Variants in TRMT9B observed in about 807,000 individuals in gnomAD.
TRMT9B encodes the protein probable tRNA methyltransferase 9B.
In TRMT9B, 16 loss-of-function variants were observed where a neutral mutation model predicts 11.5. The observed-to-expected ratio is 1.39, with a 90% CI of 0.94 to 2.11. TRMT9B has a LOEUF of 2.11. TRMT9B is among the 30% of genes most tolerant of loss of function. The pLI is 0.00. For synonymous variants in TRMT9B, 274 were observed against 192.4 expected, an observed-to-expected ratio of 1.42 and a Z score of -3.51; for missense variants, 941 against 553.8, an observed-to-expected ratio of 1.70 and a Z score of -7.02.
At chr8:13,017,226 A>T (rs1021260396) in intron 4 of TRMT9B, among the ~76,000 whole-genome samples, 1 of 150,730 alleles carries the variant, frequency 6.6e-6, no homozygotes, top group Admixed American at 6.6e-5. Flanking sequence ...AAGTTTAGAG[A>T]GGCGAGGCAT....
intron 1 of TRMT9B, among the ~76,000 whole-genome samples, chr8:12,963,218 G>C (rs1802371153): frequency 6.6e-6 from 1 of 152,126 alleles, no homozygotes; most frequent in Non-Finnish European, 1.5e-5. Flanking sequence ...CGATTCATGA[G>C]GTCAGGAGTT....
intron 4 of TRMT9B, among the ~76,000 whole-genome samples, chr8:13,014,046 T>G (rs1426914802): frequency 6.6e-6 from 1 of 152,226 alleles, no homozygotes; most frequent in Admixed American, 6.5e-5. Context: ...AATTGCAGAA[T>G]AAGATGATTT....
At chr8:13,013,767 A>AC (rs1563432621) in intron 4 of TRMT9B, among the ~76,000 whole-genome samples, 1 of 152,048 alleles carries the variant, frequency 6.6e-6, no homozygotes, top group Non-Finnish European at 1.5e-5. Flanking sequence ...CCTGGCCAAC[A>AC]TGTGAAACCC....
intron 1 of TRMT9B, among the ~76,000 whole-genome samples, chr8:12,955,514 G>C (rs1287105982): frequency 6.6e-6 from 1 of 152,078 alleles, no homozygotes; most frequent in African/African-American, 2.4e-5. Context: ...AAGCCGTAAA[G>C]GGTTGTTAGT....
rs201747607 is a variant in TRMT9B, at chr8:13,012,766, T to C, written c.237T>C (p.Ile79=). 158 of 1,613,946 alleles carry C rather than the reference T, an allele frequency of 9.8e-5. 1 individual carries two copies. The Middle Eastern group carries it at 1.6e-3, about 17-fold the overall frequency. ...ACTACTGTGGGCCACTGGTAGAGAT[T>C]GCCCGGAATAGAGGATGTGAAGCCA... ...GCDYCGPLVE[I]ARNRGCEAMV... Residue 79 remains isoleucine (I), a synonymous_variant, in exon 4 of 5, where the codon ATT becomes ATC. Transcript: ENST00000524591.
At position 12,963,195 on chromosome 8, in the gene TRMT9B, A is replaced by C. The variant is rs1370475906; in HGVS notation, c.-200+17229A>C. Among the ~76,000 whole-genome samples the C allele has an allele frequency of 3.3e-5, 5 of 152,304 alleles. No homozygotes were observed. The South Asian group carries it at 8.3e-4, about 25-fold the overall frequency. ...ACTCCTGTAATCCCAGCACTTTGGGAGGCCAAGGTGGGCGATTCATGAGGT... is the reference window on the plus strand; with the variant it reads ...ACTCCTGTAATCCCAGCACTTTGGGCGGCCAAGGTGGGCGATTCATGAGGT... On this transcript the variant is annotated intron_variant, in intron 1 of 4. Coordinates refer to ENST00000524591, the MANE Select transcript of TRMT9B (RefSeq NM_020844.3).
chr8:12,994,629 C>A (rs2128881089), intron 2 of TRMT9B, among the ~76,000 whole-genome samples: 1 of 152,332 alleles, frequency 6.6e-6, no homozygotes, highest in African/African-American at 2.4e-5. Flanking sequence ...CTTTGGGGAA[C>A]CCTTGAATTG....
intron 2 of TRMT9B, among the ~76,000 whole-genome samples, chr8:12,995,044 C>A (rs1446456402): frequency 6.6e-6 from 1 of 152,212 alleles, no homozygotes; most frequent in Non-Finnish European, 1.5e-5. Context: ...CAGCTCCCGA[C>A]TTCTCATGCA....
At position 13,021,028 on chromosome 8, in the gene TRMT9B, A is replaced by G. The variant is rs1362531949; in HGVS notation, c.349A>G (p.Lys117Glu). 4 of 1,556,060 alleles carry G rather than the reference A, an allele frequency of 2.6e-6. No individual in the cohort carries two copies. The highest frequency in any genetic ancestry group is 2.7e-5 in the African/African-American group (2 of 73,242). Reference protein sequence around the residue: ...SIGVIHHFSTKQRRIRAIKEM... With the variant: ...SIGVIHHFSTEQRRIRAIKEM... ...TTCAGTCATACATCATTTTTCTACA[A>G]AACAAAGAAGAATCAGAGCAATAAA... Residue 117 changes from lysine to glutamate, a missense_variant, in exon 5 of 5, where the codon AAA becomes GAA. Transcript: ENST00000524591.
At chr8:13,010,507 A>G in intron 3 of TRMT9B, 2 of 984,056 alleles carry the variant, frequency 2.0e-6, no homozygotes, top group Non-Finnish European at 2.4e-6. Flanking sequence ...AAATATTTAA[A>G]ATTCTTTTAT....
intron 2 of TRMT9B, among the ~76,000 whole-genome samples, 168 bp from the exon 3 acceptor site, chr8:13,006,034 T>C (rs1810391224): frequency 6.6e-6 from 1 of 152,242 alleles, no homozygotes; most frequent in Admixed American, 6.5e-5. Flanking sequence ...TTGGCTACTA[T>C]GGCGAGGTTA....
intron 1 of TRMT9B, among the ~76,000 whole-genome samples, chr8:12,982,766 AC>A (rs1372840565): frequency 1.3e-5 from 2 of 152,140 alleles, no homozygotes; most frequent in Non-Finnish European, 2.9e-5. Context: ...AAAATTTGAA[AC>A]TTTTTGAGTG....
rs1452511335 is a variant in TRMT9B, at chr8:13,022,006, T to C, written c.1327T>C (p.Trp443Arg). ...GAGTTCTGGGAATGATCATGGTAAC[T>C]GGTGTATCATTGCAGAGAAAAAGAG... ...ILSSGNDHGNWCIIAEKKRGC... is the reference protein window; with the variant it reads ...ILSSGNDHGNRCIIAEKKRGC... The change falls in exon 5 of 5, where the codon TGG becomes CGG. Residue 443 changes from tryptophan to arginine, a missense_variant. Coordinates refer to ENST00000524591, the MANE Select transcript of TRMT9B (RefSeq NM_020844.3). 1.2e-6 allele frequency: 2 copies of C among 1,608,156 alleles called. No homozygotes were observed. The highest frequency in any genetic ancestry group is 1.3e-5 in the African/African-American group (1 of 74,642).
At chr8:13,007,336 G>A (rs1810667767) in intron 3 of TRMT9B, 1 of 152,164 alleles carries the variant, frequency 6.6e-6, no homozygotes, top group African/African-American at 2.4e-5. Flanking sequence ...CGTAAATCAA[G>A]AACTGGTAAA....
At chr8:12,998,968 C>G (rs1437984665) in intron 2 of TRMT9B, among the ~76,000 whole-genome samples, 3 of 152,166 alleles carry the variant, frequency 2.0e-5, no homozygotes, top group African/African-American at 7.2e-5. Context: ...GTCCACCTCT[C>G]TATCCCTGTT....
chr8:12,988,105 T>C (rs756373122), intron 1 of TRMT9B, among the ~76,000 whole-genome samples: 2 of 152,208 alleles, frequency 1.3e-5, no homozygotes, highest in Non-Finnish European at 2.9e-5. Flanking sequence ...TCTTTCTTTT[T>C]GCATATGCTG....
intron 3 of TRMT9B, chr8:13,012,037 G>T: frequency 6.1e-6 from 6 of 985,362 alleles, no homozygotes; most frequent in Non-Finnish European, 7.2e-6. Flanking sequence ...TGAGCTTAGA[G>T]GCTACACGTG....
chr8:12,959,520 T>C (rs1183053951), intron 1 of TRMT9B, among the ~76,000 whole-genome samples: 17 of 114,498 alleles, frequency 1.5e-4, no homozygotes, highest in African/African-American at 6.2e-4. Flanking sequence ...TCCTTCCTTT[T>C]TTTTTTTTTT....
intron 4 of TRMT9B, among the ~76,000 whole-genome samples, chr8:13,016,983 G>T (rs1469391498): frequency 2.0e-5 from 3 of 151,356 alleles, no homozygotes; most frequent in African/African-American, 7.3e-5. Flanking sequence ...ACTTGGCCGG[G>T]CATAGTAGTG....
Sources: allele counts gnomAD v4.1 joint callset (sites outside exome capture counted in the v4.1 genomes callset), GRCh38; gene constraint gnomAD v4.1.1; transcripts MANE v1.5; gene names NCBI Gene and HGNC (gene_info 2026-07-23, HGNC 2026-07-21).